Variants in PARM1 observed in about 807,000 individuals in gnomAD.
The protein encoded by PARM1 is prostate androgen-regulated mucin-like protein 1, also known as WSC4, cell wall integrity and stress response component 4 homolog.
In PARM1, 14 loss-of-function variants were observed where a neutral mutation model predicts 24.6. The observed-to-expected ratio is 0.57, with a 90% CI of 0.38 to 0.89. The LOEUF is 0.89. PARM1 is among the 40% of genes least tolerant of loss of function. The probability of loss-of-function intolerance (pLI) is 0.00; values close to 1 mark genes in which losing one functional copy is unlikely to be tolerated. For synonymous variants in PARM1, 179 were observed against 156.6 expected, an observed-to-expected ratio of 1.14 and a Z score of -1.07; for missense variants, 362 against 380.4, an observed-to-expected ratio of 0.95 and a Z score of 0.40.
chr4:74,994,575 G>A (rs1035631147), intron 1 of PARM1, among the ~76,000 whole-genome samples: 2 of 152,048 alleles, frequency 1.3e-5, no homozygotes, highest in Admixed American at 6.6e-5. Context: ...TTGGAAGGCC[G>A]AGGCAGGTGG....
intron 1 of PARM1, among the ~76,000 whole-genome samples, chr4:74,968,738 C>A (rs1721962868): frequency 1.3e-5 from 2 of 152,162 alleles, no homozygotes; most frequent in African/African-American, 2.4e-5. Context: ...AATGAAAGAA[C>A]TTTTCCTTTT....
chr4:74,955,630 G>C (rs768239683), intron 1 of PARM1, among the ~76,000 whole-genome samples: 1 of 152,096 alleles, frequency 6.6e-6, no homozygotes, highest in Non-Finnish European at 1.5e-5. Context: ...GCCTCCTCAG[G>C]ATATCTAGTA....
rs1004676197 is a variant in PARM1 at position 75,040,657 on chromosome 4, T to C, written c.849-5506T>C. Among the ~76,000 whole-genome samples, 19 of 152,246 alleles carry C rather than the reference T, an allele frequency of 1.2e-4. 1 individual carries two copies. Among genetic ancestry groups the C allele is most frequent in the Admixed American group, 8.5e-4 (13 of 15,292 alleles). On this transcript the variant is annotated intron_variant, in intron 3 of 3. Transcript: ENST00000307428. ...ATATTAATTTCTTAGTTTTGACAAA[T>C]GTACCACAATTATGTATCAACATTA...
intron 1 of PARM1, among the ~76,000 whole-genome samples, chr4:74,953,770 G>A (rs1721575555): frequency 6.6e-6 from 1 of 152,030 alleles, no homozygotes; most frequent in South Asian, 2.1e-4. Flanking sequence ...AGTTTGAAAA[G>A]CGATCCCCAC....
intron 1 of PARM1, chr4:74,967,106 G>T (rs1483002779): frequency 6.6e-6 from 1 of 152,158 alleles, no homozygotes; most frequent in African/African-American, 2.4e-5. Flanking sequence ...TGCCAATTTA[G>T]GTATAGAAGA....
intron 1 of PARM1, among the ~76,000 whole-genome samples, chr4:74,987,261 C>T (rs535170778): frequency 6.6e-6 from 1 of 152,064 alleles, no homozygotes; most frequent in Admixed American, 6.6e-5. Context: ...GGTTCTATTC[C>T]TGGTCCAATC....
intron 3 of PARM1, among the ~76,000 whole-genome samples, chr4:75,038,281 G>A (rs1723410835): frequency 6.6e-6 from 1 of 152,194 alleles, no homozygotes; most frequent in Non-Finnish European, 1.5e-5. Flanking sequence ...AATAATAATA[G>A]TACCTAACTC....
At chr4:74,974,100 A>G (rs1006260960) in intron 1 of PARM1, among the ~76,000 whole-genome samples, 1 of 152,212 alleles carries the variant, frequency 6.6e-6, no homozygotes. Context: ...GAGATGTCCC[A>G]CATTATGCCA....
At chr4:75,025,902 C>T (rs1560796269) in intron 2 of PARM1, among the ~76,000 whole-genome samples, 1 of 152,112 alleles carries the variant, frequency 6.6e-6, no homozygotes, top group African/African-American at 2.4e-5. Flanking sequence ...CACTAACTAG[C>T]ATGTAGATAA....
rs796560161 is a variant in PARM1, at chr4:75,030,077, G to A, written c.770-3806G>A. Among the ~76,000 whole-genome samples the A allele has an allele frequency of 1.2e-4, 19 of 152,288 alleles. 1 individual carries two copies. Among genetic ancestry groups the A allele is most frequent in the African/African-American group, 4.3e-4 (18 of 41,556 alleles). The stretch of plus-strand genomic sequence containing the variant: ...CACATAAACATAATACAGAATGCTT[G>A]AAAGAAATTGATGCTGAGATCTGAG... On this transcript the variant is annotated intron_variant, in intron 2 of 3. Transcript: ENST00000307428.
Position 74,933,136 on chromosome 4 carries a change from A to T in PARM1, c.-192A>T, listed in dbSNP as rs930728739. 4 of 544,020 alleles carry T rather than the reference A, an allele frequency of 7.4e-6. No individual in the cohort carries two copies. Among genetic ancestry groups the T allele is most frequent in the Admixed American group, 3.7e-5 (1 of 26,896 alleles). The allele number at this position is 544,020 out of a possible 1,614,324, so 33.7% of individuals were successfully genotyped here. On this transcript the variant is annotated 5_prime_UTR_variant, in exon 1 of 4. Transcript: ENST00000307428. ...GGAGCAGAAGAGCGCGGAGCACCGG[A>T]GGGCACGCAGCTGACGGAGCTGCGC...
chr4:74,933,296 GC>G lies in PARM1; in HGVS notation c.-28del. On this transcript the variant is annotated 5_prime_UTR_variant, in exon 1 of 4. Coordinates refer to ENST00000307428, the MANE Select transcript of PARM1 (RefSeq NM_015393.4). ...TCAGTCCGCAAACTCCTTGCCGCCC[GC>G]CCCGGGCTGGGCACCAAATACCAGG... is the stretch of plus-strand genomic sequence containing the variant. 3 of 1,603,122 alleles carry G rather than the reference GC, an allele frequency of 1.9e-6. No homozygotes were observed. Among genetic ancestry groups the G allele is most frequent in the Non-Finnish European group, 2.6e-6 (3 of 1,173,234 alleles).
At chr4:74,978,695 T>C (rs1427682706) in intron 1 of PARM1, among the ~76,000 whole-genome samples, 1 of 152,182 alleles carries the variant, frequency 6.6e-6, no homozygotes, top group Non-Finnish European at 1.5e-5. Context: ...TACTCTAAAA[T>C]TGATCACATC....
chr4:74,988,596 G>A (rs1440878924), intron 1 of PARM1, among the ~76,000 whole-genome samples: 1 of 152,162 alleles, frequency 6.6e-6, no homozygotes, highest in African/African-American at 2.4e-5. Context: ...TGATAAAAGT[G>A]TTATTGGACA....
intron 1 of PARM1, among the ~76,000 whole-genome samples, chr4:74,979,822 C>G (rs184037422): frequency 6.6e-6 from 1 of 152,126 alleles, no homozygotes; most frequent in African/African-American, 2.4e-5. Context: ...ATACACAAAT[C>G]GATAAACGTT....
intron 2 of PARM1, among the ~76,000 whole-genome samples, chr4:75,024,909 G>A (rs957008919): frequency 6.6e-6 from 1 of 152,142 alleles, no homozygotes; most frequent in African/African-American, 2.4e-5. Context: ...TGGCCAGGTT[G>A]GTCTCAAACT....
chr4:75,047,979 G>C lies in PARM1; in HGVS notation c.*1732G>C, dbSNP rs1334003503. ...TTCATATAGTAGAAAACAAACATTG[G>C]GTCCGACTTCAAAATGTGTTGTATT... On this transcript the variant is annotated 3_prime_UTR_variant, in exon 4 of 4. Transcript: ENST00000307428. 1 of 152,078 alleles carries C rather than the reference G, an allele frequency of 6.6e-6. No homozygotes were observed. Among genetic ancestry groups the C allele is most frequent in the Non-Finnish European group, 1.5e-5 (1 of 68,022 alleles). The allele number at this position is 152,078 out of a possible 1,614,324, so 9.4% of individuals were successfully genotyped here.
chr4:74,994,611 C>T (rs1722540063), intron 1 of PARM1, among the ~76,000 whole-genome samples: 2 of 151,954 alleles, frequency 1.3e-5, no homozygotes, highest in African/African-American at 4.8e-5. Flanking sequence ...TATTTCAAGA[C>T]CAGCTTGGGC....
At chr4:74,970,643 T>C (rs1044439731) in intron 1 of PARM1, among the ~76,000 whole-genome samples, 1 of 152,172 alleles carries the variant, frequency 6.6e-6, no homozygotes, top group Non-Finnish European at 1.5e-5. Context: ...CTTTATAGAT[T>C]TTACCGAGCA....
Sources: allele counts gnomAD v4.1 joint callset (sites outside exome capture counted in the v4.1 genomes callset), GRCh38; gene constraint gnomAD v4.1.1; transcripts MANE v1.5; gene names NCBI Gene and HGNC (gene_info 2026-07-23, HGNC 2026-07-21).